Variants in PRRG3 observed in about 807,000 individuals in gnomAD.
PRRG3 encodes transmembrane gamma-carboxyglutamic acid protein 3.
A neutral mutation model predicts 15.8 loss-of-function variants in PRRG3; 21 were observed. The ratio of observed to expected loss-of-function variants is 1.33; its 90% confidence interval spans 0.94 to 1.92. The LOEUF is 1.92. PRRG3 is among the 40% of genes most tolerant of loss of function. The pLI, the probability that PRRG3 is intolerant of heterozygous loss-of-function variation, is 0.00. For synonymous variants in PRRG3, 125 were observed against 84.1 expected (o/e 1.49, Z -2.66); for missense variants, 251 against 200.2 (o/e 1.25, Z -1.53).
At chrX:151,695,717 T>C (rs1012209986) in intron 1 of PRRG3, among the ~76,000 whole-genome samples, 173 bp downstream of exon 1, 1 of 110,546 alleles carries the variant, frequency 9.0e-6, no homozygotes, top group African/African-American at 3.3e-5. Flanking sequence ...GTCAGGGCGC[T>C]GGTGTCCAGC....
At position 151,703,173 on chromosome X, in the gene PRRG3, G is replaced by A. The variant is rs948891910; in HGVS notation, c.*2140G>A. On this transcript the variant is annotated 3_prime_UTR_variant, in exon 4 of 4. Transcript: ENST00000674457. ...ATGTGTCCTTCAGGGGCTGAGGACA[G>A]GCCGTGGGAAGAGTCACAGGAGGTT... The A allele has an allele frequency of 2.7e-5, 3 of 112,345 alleles. No homozygotes were observed. The highest frequency in any genetic ancestry group is 3.8e-5 in the Non-Finnish European group (2 of 53,278). The allele number at this position is 112,345 out of a possible 1,213,427, so 9.3% of individuals were successfully genotyped here.
chrX:151,705,123 T>C lies in PRRG3; in HGVS notation c.*4090T>C, dbSNP rs763966454. The C allele has an allele frequency of 3.7e-6, 1 of 270,602 alleles. No individual in the cohort carries two copies. The highest frequency in any genetic ancestry group is 3.6e-5 in the South Asian group (1 of 28,100). The allele number at this position is 270,602 out of a possible 1,213,427, so 22.3% of individuals were successfully genotyped here. A position where few individuals can be genotyped will look rare whatever the true frequency, so the allele number is the denominator to read the frequency against. ...CACTTCTCGTATGTACAGGGTGATC[T>C]CTTGTTCTCTCTCCATCACAGGGAT... On this transcript the variant is annotated 3_prime_UTR_variant, in exon 4 of 4. Coordinates refer to ENST00000674457, the MANE Select transcript of PRRG3 (RefSeq NM_001372163.1).
chrX:151,694,682 G>T (rs749601874), upstream of PRRG3, among the ~76,000 whole-genome samples: 26 of 95,525 alleles, frequency 2.7e-4, no homozygotes, highest in Admixed American at 8.1e-4. Context: ...GCAGGCCTAG[G>T]TTGCAGGCTA....
intron 1 of PRRG3, among the ~76,000 whole-genome samples, chrX:151,696,146 A>T (rs754329290): frequency 1.6e-3 from 179 of 111,748 alleles, no homozygotes; most frequent in African/African-American, 4.9e-3. Flanking sequence ...CCTTCCGCCT[A>T]CAGTCAGCTT....
chrX:151,698,994 A>C (rs925788407), intron 2 of PRRG3, among the ~76,000 whole-genome samples, 173 bp downstream of exon 2: 1 of 112,205 alleles, frequency 8.9e-6, no homozygotes, highest in Non-Finnish European at 1.9e-5. Context: ...CTCCCTTCTG[A>C]AGTATATGTC....
In PRRG3 at chrX:151,702,009, T is replaced by A. The variant is rs1266012612; in HGVS notation, c.*976T>A. The A allele has an allele frequency of 8.9e-6, 1 of 112,257 alleles. No homozygotes were observed. Among genetic ancestry groups the A allele is most frequent in the East Asian group, 2.8e-4 (1 of 3,582 alleles). 9.3% of individuals were successfully genotyped at this position (112,257 alleles called of 1,213,427 possible). The stretch of plus-strand genomic sequence containing the variant: ...CGTGGCCTGGGGTTGAAGGCCCATA[T>A]GGGGTTTGCTCTGCTGTTGCCAGGT... On this transcript the variant is annotated 3_prime_UTR_variant, in exon 4 of 4. Transcript: ENST00000674457.
In PRRG3 at chrX:151,700,654, A is replaced by G; in HGVS notation, c.317A>G (p.Gln106Arg). The G allele has an allele frequency of 8.3e-7, 1 of 1,211,434 alleles. No homozygotes were observed. The highest frequency in any genetic ancestry group is 1.7e-5 in the African/African-American group (1 of 57,663). ...TTCATCATCTGGAGGTGCCAGCTGC[A>G]GAAAGCGACCCGTCACCACCCCTCC... ...ALFIIWRCQLQKATRHHPSYA... is the reference protein window; with the variant it reads ...ALFIIWRCQLRKATRHHPSYA... The change falls in exon 4 of 4, where the codon CAG becomes CGG. Residue 106 changes from glutamine (Q) to arginine (R), a missense_variant. Transcript: ENST00000674457.
rs150521353 is a variant in PRRG3 at position 151,700,808 on chromosome X, G to A, written c.471G>A (p.Val157=). 7.7e-5 allele frequency: 91 copies of A among 1,189,061 alleles called. No individual in the cohort carries two copies. The African/African-American group carries it at 1.6e-3, about 21-fold the overall frequency. Residue 157 remains valine (V), a synonymous_variant, in exon 4 of 4, where the codon GTG becomes GTA. Transcript: ENST00000674457. ...GHREAANSPQ[V]VLGPSRGGRT... ...GAGAGGCAGCGAACAGCCCCCAGGTGGTGCTGGGGCCCAGTCGGGGGGGCA... is the reference window on the plus strand; with the variant it reads ...GAGAGGCAGCGAACAGCCCCCAGGTAGTGCTGGGGCCCAGTCGGGGGGGCA...
In PRRG3 at chrX:151,705,635, A is replaced by G; in HGVS notation, c.*4602A>G. Reference sequence around the variant, plus strand: ...TGACATTGTGAATTTGTGACAGTGGAAACCCTGATATGTGCAACTGAGCTT... The same window carrying G: ...TGACATTGTGAATTTGTGACAGTGGGAACCCTGATATGTGCAACTGAGCTT... On this transcript the variant is annotated 3_prime_UTR_variant, in exon 4 of 4. Transcript: ENST00000674457. The G allele has an allele frequency of 4.8e-6, 1 of 206,551 alleles. No individual in the cohort carries two copies. The highest frequency in any genetic ancestry group is 9.1e-6 in the Non-Finnish European group (1 of 109,802). The allele number at this position is 206,551 out of a possible 1,213,427, so 17.0% of individuals were successfully genotyped here.
intron 3 of PRRG3, 114 bp from the exon 4 acceptor site, chrX:151,700,392 G>C (rs1445669161): frequency 1.4e-5 from 16 of 1,132,053 alleles, no homozygotes; most frequent in African/African-American, 5.5e-5. Flanking sequence ...TGCCTCTCTG[G>C]TAACTCTGTG....
Position 151,700,752 on chromosome X carries a change from G to C in PRRG3, c.415G>C (p.Val139Leu), listed in dbSNP as rs1265547052. 5.8e-6 allele frequency: 7 copies of C among 1,204,987 alleles called. No homozygotes were observed. The highest frequency in any genetic ancestry group is 7.9e-6 in the Non-Finnish European group (7 of 890,564). Residue 139 changes from valine (V) to leucine (L), a missense_variant, in exon 4 of 4, where the codon GTG becomes CTG. Coordinates refer to ENST00000674457, the MANE Select transcript of PRRG3 (RefSeq NM_001372163.1). ...LPRVMVYRGT[V>L]HSQGEPSGHR... ...CCGGGTCATGGTGTACCGGGGTACTGTGCATAGCCAAGGGGAGCCTTCTGG... is the reference window on the plus strand; with the variant it reads ...CCGGGTCATGGTGTACCGGGGTACTCTGCATAGCCAAGGGGAGCCTTCTGG...
chrX:151,700,050 A>T lies in PRRG3; in HGVS notation c.62A>T (p.Asn21Ile), dbSNP rs888847773. Reference protein sequence around the residue: ...HSVLKRFPRANEFLEELRQGT... With the variant: ...HSVLKRFPRAIEFLEELRQGT... ...GTCCTGAAACGATTCCCTCGTGCCA[A>T]TGAGTTCCTGGAGGAGCTGCGCCAG... The change falls in exon 3 of 4, where the codon AAT becomes ATT. Residue 21 changes from asparagine (N) to isoleucine (I), a missense_variant. By Grantham distance (149) the Asn-to-Ile change is moderately radical (BLOSUM62 -3). Coordinates refer to ENST00000674457, the MANE Select transcript of PRRG3 (RefSeq NM_001372163.1). 2.5e-6 allele frequency: 3 copies of T among 1,211,771 alleles called. No individual in the cohort carries two copies. Among genetic ancestry groups the T allele is most frequent in the Non-Finnish European group, 3.4e-6 (3 of 895,428 alleles).
intron 1 of PRRG3, among the ~76,000 whole-genome samples, chrX:151,697,088 CT>C (rs2014775603): frequency 1.2e-5 from 1 of 80,907 alleles, no homozygotes; most frequent in Non-Finnish European, 2.3e-5. Context: ...TCCTTCCTTC[CT>C]TCCTTCCTCC....
chrX:151,695,853 G>T (rs768861416), intron 1 of PRRG3, among the ~76,000 whole-genome samples: 1 of 111,345 alleles, frequency 9.0e-6, no homozygotes, highest in Non-Finnish European at 1.9e-5. Context: ...TGAGTCATGC[G>T]ATTTGGAGAA....
rs1602992675 is a variant in PRRG3 at position 151,705,502 on chromosome X, C to T, written c.*4469C>T. ...CACCCACCCCCAGCCCGAGCATTAA[C>T]ACAGATCTTCAGGATTGGGACAAAT... On this transcript the variant is annotated 3_prime_UTR_variant, in exon 4 of 4. Coordinates refer to ENST00000674457, the MANE Select transcript of PRRG3 (RefSeq NM_001372163.1). 2 of 292,970 alleles carry T rather than the reference C, an allele frequency of 6.8e-6. No homozygotes were observed. Among genetic ancestry groups the T allele is most frequent in the East Asian group, 2.1e-4 (2 of 9,637 alleles). 24.1% of individuals were successfully genotyped at this position (292,970 alleles called of 1,213,427 possible). A position where few individuals can be genotyped will look rare whatever the true frequency, so the allele number is the denominator to read the frequency against.
rs2014927542 is a variant in PRRG3, at chrX:151,703,856, GGTTTTTTTTTTTTTTTTTTTTTTTTTT to G, written c.*2824_*2850del. ...AAGAAATCTGAGTACTCCTGGGCAT[GGTTTTTTTTTTTTTTTTTTTTTTTTTT>G]TTTTTTTTTTTTTTTTTTTTTTTTT... On this transcript the variant is annotated 3_prime_UTR_variant, in exon 4 of 4. Coordinates refer to ENST00000674457, the MANE Select transcript of PRRG3 (RefSeq NM_001372163.1). 1.0e-3 allele frequency: 9 copies of G among 8,950 alleles called. No homozygotes were observed. The highest frequency in any genetic ancestry group is 3.9e-3 in the Non-Finnish European group (6 of 1,537). The allele number at this position is 8,950 out of a possible 1,213,427, so 0.7% of individuals were successfully genotyped here.
intron 1 of PRRG3, among the ~76,000 whole-genome samples, chrX:151,697,023 T>TACTTCCTCCCTCC (rs1327220325): frequency 9.4e-6 from 1 of 106,546 alleles, no homozygotes; most frequent in African/African-American, 3.4e-5. Flanking sequence ...CTTTCTTCCT[T>TACTTCCTCCCTCC]CCTTCCTCCC....
Position 151,704,650 on chromosome X carries a change from C to T in PRRG3, c.*3617C>T, listed in dbSNP as rs2014949249. On this transcript the variant is annotated 3_prime_UTR_variant, in exon 4 of 4. Transcript: ENST00000674457. ...GTGTGTGTGCTGTCTCATGTGTGGA[C>T]ACTCACAGTTGAGGCTGAGATGGAT... The T allele has an allele frequency of 9.0e-6, 1 of 111,560 alleles. No homozygotes were observed. The highest frequency in any genetic ancestry group is 9.4e-5 in the Admixed American group (1 of 10,618). 9.2% of individuals were successfully genotyped at this position (111,560 alleles called of 1,213,427 possible).
At chrX:151,694,806 C>T (rs2014727130), upstream of PRRG3, among the ~76,000 whole-genome samples, 1 of 111,407 alleles carries the variant, frequency 9.0e-6, no homozygotes, top group Non-Finnish European at 1.9e-5. Context: ...GGCGCGCGGG[C>T]CTTGGGAGCG....
Sources: allele counts gnomAD v4.1 joint callset (sites outside exome capture counted in the v4.1 genomes callset), GRCh38; gene constraint gnomAD v4.1.1; transcripts MANE v1.5; gene names NCBI Gene and HGNC (gene_info 2026-07-23, HGNC 2026-07-21).